The following LAMA1 variants were observed in gnomAD, a reference collection of about 807,000 sequenced individuals.
The protein encoded by LAMA1 is laminin subunit alpha-1.
LAMA1 carries 219 observed loss-of-function variants against 348.7 expected under a neutral mutation model. The observed-to-expected ratio is 0.63, with a 90% CI of 0.56 to 0.70. LAMA1 has a LOEUF of 0.70. LAMA1 is among the 30% of genes least tolerant of loss of function. The pLI, the probability that LAMA1 is intolerant of heterozygous loss-of-function variation, is 0.00. For missense variants in LAMA1, 3,744 were observed against 3,888.0 expected (o/e 0.96, Z 0.99); for synonymous variants, 1,487 against 1,491.0 (o/e 1.00, Z 0.06).
At chr18:6,966,401 T>C (rs1057007779) in intron 48 of LAMA1, 104 bp from the exon 49 acceptor site, 1 of 948,270 alleles carries the variant, frequency 1.1e-6, no homozygotes, top group Non-Finnish European at 1.7e-6. Flanking sequence ...GTAGAGCTAT[T>C]AGTTCCATAC....
chr18:7,055,112 C>CTG (rs147015838), intron 3 of LAMA1, among the ~76,000 whole-genome samples: 33,823 of 145,144 alleles, frequency 0.23, 4,050 homozygotes, highest in African/African-American at 0.34. Flanking sequence ...CAAGGGTCAG[C>CTG]TGTGTGTGTG....
At chr18:6,985,788 C>T in intron 37 of LAMA1, 145 bp from the exon 38 acceptor site, 2 of 667,358 alleles carry the variant, frequency 3.0e-6, no homozygotes, top group East Asian at 5.4e-5. Context: ...GAGATGGAGT[C>T]TCATTCTGTT....
Position 7,050,922 on chromosome 18 carries a change from T to C in LAMA1, c.360A>G (p.Ala120=), listed in dbSNP as rs1020061676. Residue 120 remains alanine, a synonymous_variant, in exon 4 of 63, where the codon GCA becomes GCG. Transcript: ENST00000389658. ...TLDLRQVFQV[A]YVIIKAANAP... The stretch of plus-strand genomic sequence containing the variant: ...CATTGGCAGCTTTAATGATGACATA[T>C]GCAACTTGAAAGACCTGAAACAAAG... 4.3e-6 allele frequency: 7 copies of C among 1,614,046 alleles called. No individual in the cohort carries two copies. In the African/African-American group the frequency reaches 9.3e-5, roughly 22 times the overall value.
intron 1 of LAMA1, among the ~76,000 whole-genome samples, chr18:7,113,910 A>C (rs2058345290): frequency 6.6e-6 from 1 of 152,072 alleles, no homozygotes; most frequent in South Asian, 2.1e-4. Context: ...CCCCGTCTCT[A>C]CTAAAGAATA....
chr18:7,061,769 C>T (rs991812942), intron 3 of LAMA1, among the ~76,000 whole-genome samples: 4 of 152,152 alleles, frequency 2.6e-5, no homozygotes, highest in Non-Finnish European at 4.4e-5. Flanking sequence ...TGTAGATGGG[C>T]GCGGTGGAGG....
chr18:7,016,377 G>C, intron 21 of LAMA1, 114 bp downstream of exon 21: 1 of 1,143,220 alleles, frequency 8.7e-7, no homozygotes, highest in Non-Finnish European at 1.3e-6. Flanking sequence ...ATCCTCCAGG[G>C]AAAGAAGAGA....
At chr18:7,051,023 G>A (rs991026293) in intron 3 of LAMA1, 87 bp from the exon 4 acceptor site, 5 of 1,519,566 alleles carry the variant, frequency 3.3e-6, no homozygotes, top group Non-Finnish European at 3.6e-6. Context: ...TAACTTAAAG[G>A]TAGAATCTAA....
At chr18:7,023,125 C>A in intron 19 of LAMA1, 39 bp downstream of exon 19, 1 of 1,588,644 alleles carries the variant, frequency 6.3e-7, no homozygotes, top group African/African-American at 1.3e-5. Flanking sequence ...CTTCCTATGG[C>A]AATAAACAGC....
chr18:7,077,726 T>A (rs539923699), intron 3 of LAMA1, among the ~76,000 whole-genome samples: 1 of 152,268 alleles, frequency 6.6e-6, no homozygotes, highest in Admixed American at 6.5e-5. Flanking sequence ...GAACACAGTT[T>A]TACTTTTTCC....
At chr18:7,040,328 T>A in intron 9 of LAMA1, 92 bp from the exon 10 acceptor site, 1 of 1,358,782 alleles carries the variant, frequency 7.4e-7, no homozygotes, top group Non-Finnish European at 1.0e-6. Context: ...GGTCAGAGGG[T>A]ATCTATTTTA....
intron 22 of LAMA1, 97 bp from the exon 23 acceptor site, chr18:7,014,148 G>C: frequency 1.0e-6 from 1 of 959,060 alleles, no homozygotes; most frequent in African/African-American, 1.6e-5. Context: ...ATGTGGGGAA[G>C]TTCTACAAAT....
rs1205969720 is a variant in LAMA1 at position 7,105,212 on chromosome 18, G to A, written c.61+12448C>T. ...CCAGCACTTCAAGAGGCCGAGGCAG[G>A]TGGATCACCTGAGGTCAGGAGTTCT... On this transcript the variant is annotated intron_variant, in intron 1 of 62. Coordinates refer to ENST00000389658, the MANE Select transcript of LAMA1 (RefSeq NM_005559.4). 2.6e-5 allele frequency among the ~76,000 whole-genome samples: 4 copies of A among 152,234 alleles called. No homozygotes were observed. In the East Asian group the frequency reaches 5.8e-4, roughly 22 times the overall value.
intron 42 of LAMA1, among the ~76,000 whole-genome samples, chr18:6,979,812 T>C: frequency 6.6e-6 from 1 of 151,914 alleles, no homozygotes; most frequent in Non-Finnish European, 1.5e-5. Flanking sequence ...GGCAGGAGAA[T>C]GGTGTGAACC....
chr18:7,043,269 G>A lies in LAMA1; in HGVS notation c.1113C>T (p.Ile371=), dbSNP rs2058028178. ...CINCLQNTMG[I]NCETCIDGYY... Reference sequence around the variant, plus strand: ...ATCCATCAATACAGGTTTCACAGTTGATTCCCATGGTGTTCTGCAAGCAAT... The same window carrying A: ...ATCCATCAATACAGGTTTCACAGTTAATTCCCATGGTGTTCTGCAAGCAAT... The change falls in exon 8 of 63, where the codon ATC becomes ATT. Residue 371 remains isoleucine, a synonymous_variant. Coordinates refer to ENST00000389658, the MANE Select transcript of LAMA1 (RefSeq NM_005559.4). The A allele has an allele frequency of 1.2e-6, 2 of 1,613,992 alleles. No individual in the cohort carries two copies. The highest frequency in any genetic ancestry group is 1.7e-6 in the Non-Finnish European group (2 of 1,180,026).
intron 61 of LAMA1, among the ~76,000 whole-genome samples, chr18:6,945,983 G>T (rs1464539821): frequency 6.6e-6 from 1 of 151,998 alleles, no homozygotes; most frequent in East Asian, 1.9e-4. Context: ...GTGAGAACTG[G>T]GAGAAACTGT....
intron 41 of LAMA1, among the ~76,000 whole-genome samples, chr18:6,981,819 G>A (rs1325468406): frequency 2.6e-5 from 4 of 152,076 alleles, no homozygotes; most frequent in African/African-American, 4.8e-5. Context: ...AGAAATCTTG[G>A]TATTTTTGAT....
In LAMA1 at chr18:6,952,545, T is replaced by C. The variant is rs142479424; in HGVS notation, c.8208-1574A>G. Among the ~76,000 whole-genome samples, 233 of 152,314 alleles carry C rather than the reference T, an allele frequency of 1.5e-3. 7 individuals are homozygous for C. Among genetic ancestry groups the C allele is most frequent in the East Asian group, 9.1e-3 (47 of 5,174 alleles). ...CAGAGGTTACAGCAGTCCCTTCTTA[T>C]TTGCGGTTTTGCCTTCCAAGGTTTC... On this transcript the variant is annotated intron_variant, in intron 57 of 62. Transcript: ENST00000389658.
rs543910953 is a variant in LAMA1, at chr18:7,117,729, C to G, written c.-9G>C. The G allele has an allele frequency of 6.3e-7, 1 of 1,595,636 alleles. No individual in the cohort carries two copies. Among genetic ancestry groups the G allele is most frequent in the South Asian group, 1.1e-5 (1 of 90,576 alleles). On this transcript the variant is annotated 5_prime_UTR_variant, in exon 1 of 63. Transcript: ENST00000389658. ...AGCACGCCCCCGCGCATCTCGCCTC[C>G]GCCGCCACTCGGTGGGTCTGGGGAG...
chr18:7,050,568 G>A (rs2058058306), intron 4 of LAMA1, 126 bp downstream of exon 4: 1 of 1,355,930 alleles, frequency 7.4e-7, no homozygotes, highest in South Asian at 1.2e-5. Flanking sequence ...CATGACTCAA[G>A]GCCACTTTAA....
Sources: allele counts gnomAD v4.1 joint callset (sites outside exome capture counted in the v4.1 genomes callset), GRCh38; gene constraint gnomAD v4.1.1; transcripts MANE v1.5; gene names NCBI Gene and HGNC (gene_info 2026-07-23, HGNC 2026-07-21).